ELAVL2: variants seen among roughly 807,000 people sequenced by gnomAD.
ELAVL2 encodes the protein ELAV like RNA binding protein 2.
A neutral mutation model predicts 34.6 loss-of-function variants in ELAVL2; 4 were observed. That is an observed-to-expected ratio of 0.12 (90% CI 0.06 to 0.26). ELAVL2 has a LOEUF of 0.26. Ranked by LOEUF, ELAVL2 falls within the 10% of genes least tolerant of loss-of-function variation. ELAVL2 has a pLI of 1.00. For synonymous variants in ELAVL2, 193 were observed against 154.8 expected (o/e 1.25, Z -1.83); for missense variants, 432 against 442.8 (o/e 0.98, Z 0.22).
At chr9:23,780,338 C>CA (rs1406667407) in intron 1 of ELAVL2, among the ~76,000 whole-genome samples, 1 of 152,112 alleles carries the variant, frequency 6.6e-6, no homozygotes, top group African/African-American at 2.4e-5. Flanking sequence ...CAAATATAAA[C>CA]ACTAAAAAGT....
chr9:23,717,113 T>C (rs930447974), intron 3 of ELAVL2, among the ~76,000 whole-genome samples: 1 of 152,218 alleles, frequency 6.6e-6, no homozygotes. Flanking sequence ...ACAGTTAAGT[T>C]TCCCTTTGTA....
chr9:23,707,493 C>T (rs2039703625), intron 3 of ELAVL2, among the ~76,000 whole-genome samples: 1 of 152,048 alleles, frequency 6.6e-6, no homozygotes, highest in Admixed American at 6.5e-5. Context: ...GGCTCCAGGG[C>T]AGGCATCTAC....
intron 1 of ELAVL2, among the ~76,000 whole-genome samples, chr9:23,816,708 C>T (rs917232557): frequency 6.6e-6 from 1 of 152,116 alleles, no homozygotes; most frequent in Non-Finnish European, 1.5e-5. Flanking sequence ...TGGTAAGAGA[C>T]TCTCTCGATA....
rs377443884 is a variant in ELAVL2, at chr9:23,722,984, T to C, written c.333+8038A>G. ...AGCACCACTTTTCCCAGGTGATAAA[T>C]GAAAGAAAAGCCCTACCCCACATTC... On this transcript the variant is annotated intron_variant, in intron 3 of 6. Transcript: ENST00000397312. Among the ~76,000 whole-genome samples the C allele has an allele frequency of 1.5e-4, 23 of 152,184 alleles. No individual in the cohort carries two copies. The South Asian group carries it at 4.8e-3, about 32-fold the overall frequency.
At chr9:23,711,005 C>T (rs577929155) in intron 3 of ELAVL2, among the ~76,000 whole-genome samples, 6 of 152,226 alleles carry the variant, frequency 3.9e-5, no homozygotes, top group Admixed American at 3.9e-4. Context: ...AAACTCCTAC[C>T]AGGAACAAGT....
intron 2 of ELAVL2, among the ~76,000 whole-genome samples, chr9:23,744,254 T>C (rs544386676): frequency 6.6e-6 from 1 of 152,312 alleles, no homozygotes; most frequent in East Asian, 1.9e-4. Flanking sequence ...GAATCACTCT[T>C]GTTAAAAGAG....
intron 5 of ELAVL2, among the ~76,000 whole-genome samples, chr9:23,697,024 C>T (rs2035503213): frequency 6.6e-6 from 1 of 152,094 alleles, no homozygotes; most frequent in Non-Finnish European, 1.5e-5. Context: ...TCACCTGCCT[C>T]CCTGGGGGAA....
At chr9:23,742,620 C>T (rs757302607) in intron 2 of ELAVL2, among the ~76,000 whole-genome samples, 5 of 152,024 alleles carry the variant, frequency 3.3e-5, no homozygotes, top group Admixed American at 3.3e-4. Flanking sequence ...ACCCTTCCAC[C>T]GGGGGGAAAA....
At chr9:23,770,176 A>G (rs1343325171) in intron 1 of ELAVL2, among the ~76,000 whole-genome samples, 1 of 152,190 alleles carries the variant, frequency 6.6e-6, no homozygotes, top group African/African-American at 2.4e-5. Context: ...ATGAACACAT[A>G]GAAGAAAACA....
intron 1 of ELAVL2, among the ~76,000 whole-genome samples, chr9:23,817,941 T>C (rs1012939749): frequency 1.3e-5 from 2 of 152,240 alleles, no homozygotes; most frequent in African/African-American, 4.8e-5. Context: ...TGTCTTCTGT[T>C]TCCACTTGGC....
chr9:23,778,501 G>A (rs2058578418), intron 1 of ELAVL2, among the ~76,000 whole-genome samples: 1 of 152,152 alleles, frequency 6.6e-6, no homozygotes, highest in Admixed American at 6.6e-5. Context: ...TATTCCCAGA[G>A]CTACTAGCCA....
chr9:23,758,955 C>T (rs548171204), intron 2 of ELAVL2, among the ~76,000 whole-genome samples: 30 of 152,108 alleles, frequency 2.0e-4, no homozygotes, highest in African/African-American at 3.9e-4. Context: ...CTTATACACA[C>T]TATCGTGGGA....
intron 1 of ELAVL2, among the ~76,000 whole-genome samples, chr9:23,776,719 T>TA (rs1202779104): frequency 3.0e-5 from 4 of 132,452 alleles, no homozygotes; most frequent in Admixed American, 2.5e-4. Context: ...CTACCTGACC[T>TA]ATGCTAAATA....
chr9:23,845,734 T>A, the ELAVL2 span, among the ~76,000 whole-genome samples: 1 of 151,830 alleles, frequency 6.6e-6, no homozygotes, highest in African/African-American at 2.4e-5. Flanking sequence ...TTTTAAGTTA[T>A]TCACTTAACA....
At chr9:23,708,547 AAAT>A (rs562998765) in intron 3 of ELAVL2, among the ~76,000 whole-genome samples, 47 of 152,376 alleles carry the variant, frequency 3.1e-4, no homozygotes, top group African/African-American at 1.1e-3. Context: ...GAGTTGGGAA[AAAT>A]TAAATGAATC....
At chr9:23,739,540 C>G (rs991148333) in intron 2 of ELAVL2, among the ~76,000 whole-genome samples, 1 of 151,974 alleles carries the variant, frequency 6.6e-6, no homozygotes, top group East Asian at 1.9e-4. Context: ...TCCGCCACCG[C>G]CCCTACCCCC....
At chr9:23,820,282 T>C (rs925370310) in intron 1 of ELAVL2, among the ~76,000 whole-genome samples, 1 of 152,240 alleles carries the variant, frequency 6.6e-6, no homozygotes, top group Non-Finnish European at 1.5e-5. Context: ...GTTTTGAGGC[T>C]GAGCTAAATT....
intron 1 of ELAVL2, among the ~76,000 whole-genome samples, chr9:23,811,368 C>T (rs1186723870): frequency 2.6e-5 from 4 of 151,572 alleles, no homozygotes; most frequent in African/African-American, 9.7e-5. Context: ...AATGCAAATG[C>T]CATTAAGGGA....
chr9:23,793,645 C>A (rs372920423), intron 1 of ELAVL2, among the ~76,000 whole-genome samples: 1 of 152,122 alleles, frequency 6.6e-6, no homozygotes. Context: ...GCCTGAGCTT[C>A]GTAACCTATA....
Sources: allele counts gnomAD v4.1 joint callset (sites outside exome capture counted in the v4.1 genomes callset), GRCh38; gene constraint gnomAD v4.1.1; transcripts MANE v1.5; gene names NCBI Gene and HGNC (gene_info 2026-07-23, HGNC 2026-07-21).